The following CRISP2 variants were observed in gnomAD, a reference collection of about 807,000 sequenced individuals.
CRISP2 encodes cysteine rich secretory protein 2, also known as cysteine-rich secretory protein 2.
CRISP2 carries 29 observed loss-of-function variants against 31.7 expected under a neutral mutation model. The observed-to-expected ratio is 0.92, with a 90% CI of 0.68 to 1.25. The LOEUF is 1.25. Ranked by LOEUF, CRISP2 falls within the 50% of genes most tolerant of loss-of-function variation. CRISP2 has a pLI of 0.00. For synonymous variants in CRISP2, 111 were observed against 101.4 expected (o/e 1.09, Z -0.57); for missense variants, 318 against 286.5 (o/e 1.11, Z -0.79).
At chr6:49,705,724 T>G (rs1457224139) in intron 4 of CRISP2, among the ~76,000 whole-genome samples, 5 of 152,070 alleles carry the variant, frequency 3.3e-5, no homozygotes, top group African/African-American at 9.7e-5. Flanking sequence ...TCTCACTGCT[T>G]CTTCTTCTTT....
At chr6:49,688,292 T>C (rs757801644), downstream of CRISP2, among the ~76,000 whole-genome samples, 3 of 152,262 alleles carry the variant, frequency 2.0e-5, no homozygotes, top group Non-Finnish European at 4.4e-5. Flanking sequence ...AAAGCGTGTT[T>C]GTTTTTGTGT....
intron 4 of CRISP2, among the ~76,000 whole-genome samples, chr6:49,707,526 G>T (rs547151616): frequency 6.6e-6 from 1 of 152,266 alleles, no homozygotes. Context: ...GATGAGCTGA[G>T]ATGTTACAGG....
chr6:49,687,421 A>G (rs1369896911), downstream of CRISP2, among the ~76,000 whole-genome samples: 2 of 152,222 alleles, frequency 1.3e-5, no homozygotes, highest in African/African-American at 2.4e-5. Flanking sequence ...ACTTTCTGCC[A>G]GGAGTAATAT....
Position 49,700,655 on chromosome 6 carries a change from C to A in CRISP2, c.183+13G>T, listed in dbSNP as rs763343995. 1 of 1,518,508 alleles carries A rather than the reference C, an allele frequency of 6.6e-7. No homozygotes were observed. Among genetic ancestry groups the A allele is most frequent in the South Asian group, 1.1e-5 (1 of 88,994 alleles). The allele number at this position is 1,518,508 out of a possible 1,614,324, so 94.1% of individuals were successfully genotyped here. Reference sequence around the variant, plus strand: ...CTGATTCACACCCATCTCCTTACAGCACTGCCTCTTACCATCTTTAGCATG... The same window carrying A: ...CTGATTCACACCCATCTCCTTACAGAACTGCCTCTTACCATCTTTAGCATG... On this transcript the variant is annotated intron_variant, in intron 5 of 9. Coordinates refer to ENST00000339139, the MANE Select transcript of CRISP2 (RefSeq NM_003296.4).
chr6:49,697,810 A>C lies in CRISP2; in HGVS notation c.515+50T>G, dbSNP rs771191150. Reference sequence around the variant, plus strand: ...TTTAAGATATGAGAATTATTAAAAAATAAATTGCAGATAGAATTATTGCCA... The same window carrying C: ...TTTAAGATATGAGAATTATTAAAAACTAAATTGCAGATAGAATTATTGCCA... On this transcript the variant is annotated intron_variant, in intron 8 of 9. Transcript: ENST00000339139. The C allele has an allele frequency of 3.7e-6, 6 of 1,605,466 alleles. No homozygotes were observed. The African/African-American group carries it at 8.0e-5, about 22-fold the overall frequency.
chr6:49,714,139 G>C (rs1177139297), upstream of CRISP2, among the ~76,000 whole-genome samples: 1 of 152,206 alleles, frequency 6.6e-6, no homozygotes, highest in Non-Finnish European at 1.5e-5. Flanking sequence ...TTTAGCATAC[G>C]TATCAAGCAT....
chr6:49,706,734 T>G (rs1767096962), intron 4 of CRISP2, among the ~76,000 whole-genome samples: 1 of 152,184 alleles, frequency 6.6e-6, no homozygotes, highest in South Asian at 2.1e-4. Flanking sequence ...TATCCTCCTC[T>G]CCTCCCATAC....
Position 49,692,830 on chromosome 6 carries a change from A to T in CRISP2, c.675T>A (p.His225Gln). 6 of 1,613,870 alleles carry T rather than the reference A, an allele frequency of 3.7e-6. No homozygotes were observed. Among genetic ancestry groups the T allele is most frequent in the Non-Finnish European group, 4.2e-6 (5 of 1,179,790 alleles). ...CCTTGCACTTTTCCTTGAGTAACTC[A>T]TGTTCACAGCCAGCTGTATTCTTCA... ...DSLKNTAGCE[H>Q]ELLKEKCKAT... Residue 225 changes from histidine (H) to glutamine (Q), a missense_variant, in exon 10 of 10, where the codon CAT becomes CAA. Physicochemically the swap from His to Gln is conservative, Grantham distance 24. Transcript: ENST00000339139.
chr6:49,695,788 A>G lies in CRISP2; in HGVS notation c.604+48T>C, dbSNP rs577189575. 4.9e-5 allele frequency: 61 copies of G among 1,233,462 alleles called. No individual in the cohort carries two copies. The Admixed American group carries it at 6.0e-4, about 12-fold the overall frequency. The allele number at this position is 1,233,462 out of a possible 1,614,324, so 76.4% of individuals were successfully genotyped here. A position where few individuals can be genotyped will look rare whatever the true frequency, so the allele number is the denominator to read the frequency against. Reference sequence around the variant, plus strand: ...TGTTAAATTATATAAAGAAAAGATAATATCAATTCTATAATAAATAATAGC... The same window carrying G: ...TGTTAAATTATATAAAGAAAAGATAGTATCAATTCTATAATAAATAATAGC... On this transcript the variant is annotated intron_variant, in intron 9 of 9. Transcript: ENST00000339139.
chr6:49,687,568 C>T (rs183366814), downstream of CRISP2, among the ~76,000 whole-genome samples: 39 of 152,146 alleles, frequency 2.6e-4, no homozygotes, highest in Admixed American at 4.6e-4. Flanking sequence ...CGAACAAGGG[C>T]AAATGACCAC....
At chr6:49,689,971 C>G (rs1400419763), downstream of CRISP2, among the ~76,000 whole-genome samples, 2 of 152,196 alleles carry the variant, frequency 1.3e-5, no homozygotes, top group East Asian at 3.9e-4. Flanking sequence ...AGAGCATCTT[C>G]TATCTTTAAA....
the CRISP2 span, among the ~76,000 whole-genome samples, chr6:49,679,953 G>A: frequency 1.6e-4 from 24 of 152,184 alleles, no homozygotes; most frequent in Admixed American, 1.1e-3. Context: ...TGATCCACCA[G>A]CTGTGGCCTT....
chr6:49,700,454 C>T (rs1765471022), intron 5 of CRISP2, among the ~76,000 whole-genome samples: 1 of 152,138 alleles, frequency 6.6e-6, no homozygotes, highest in Admixed American at 6.6e-5. Flanking sequence ...CCAATTATGC[C>T]TTCCAAATTT....
At chr6:49,688,346 G>A (rs541049573), downstream of CRISP2, among the ~76,000 whole-genome samples, 1 of 152,182 alleles carries the variant, frequency 6.6e-6, no homozygotes, top group Non-Finnish European at 1.5e-5. Context: ...TTTAAGATAA[G>A]GATGTTTCTT....
chr6:49,699,997 T>C, intron 5 of CRISP2, 106 bp from the exon 6 acceptor site: 2 of 929,430 alleles, frequency 2.2e-6, no homozygotes, highest in South Asian at 3.1e-5. Context: ...AGATGTATTC[T>C]CTAATACTAC....
rs376706721 is a variant in CRISP2, at chr6:49,707,173, A to T, written c.66+1958T>A. Among the ~76,000 whole-genome samples, 4 of 152,340 alleles carry T rather than the reference A, an allele frequency of 2.6e-5. No individual in the cohort carries two copies. The East Asian group carries it at 5.8e-4, about 22-fold the overall frequency. On this transcript the variant is annotated intron_variant, in intron 4 of 9. Transcript: ENST00000339139. ...TATTACATGACTAGAAATATTAAAC[A>T]TATCGAGAATAAAATAAATATGGTA... is the stretch of plus-strand genomic sequence containing the variant.
chr6:49,694,397 T>G (rs762792982), intron 9 of CRISP2, among the ~76,000 whole-genome samples: 3 of 152,180 alleles, frequency 2.0e-5, no homozygotes, highest in Non-Finnish European at 4.4e-5. Context: ...ACTGGGGCAG[T>G]GGATTCCTTT....
intron 8 of CRISP2, among the ~76,000 whole-genome samples, chr6:49,696,549 A>G (rs1764781527): frequency 6.6e-6 from 1 of 151,146 alleles, no homozygotes; most frequent in South Asian, 2.1e-4. Context: ...ACATTTACCA[A>G]AATGGAATAT....
the CRISP2 span, among the ~76,000 whole-genome samples, chr6:49,676,654 T>G: frequency 6.6e-6 from 1 of 152,122 alleles, no homozygotes; most frequent in Admixed American, 6.6e-5. Context: ...CAGCAGGGTT[T>G]ACAGCCGAGA....
Sources: gnomAD v4.1 joint callset for allele counts (sites outside exome capture counted in the v4.1 genomes callset) on GRCh38, gnomAD v4.1.1 for gene constraint, MANE v1.5 for transcripts, NCBI Gene and HGNC (gene_info 2026-07-23, HGNC 2026-07-21) for gene names.